The following TRAPPC9 variants were observed in gnomAD, a reference collection of about 807,000 sequenced individuals.
TRAPPC9 encodes the protein trafficking protein particle complex subunit 9, also known as IKK2 binding protein.
In TRAPPC9, 83 loss-of-function variants were observed where a neutral mutation model predicts 124.0. The observed-to-expected ratio is 0.67, with a 90% CI of 0.56 to 0.80. TRAPPC9 has a LOEUF of 0.80. TRAPPC9 is among the 30% of genes least tolerant of loss of function. The pLI is 0.00. For synonymous variants in TRAPPC9, 638 were observed against 617.5 expected (o/e 1.03, Z -0.49); for missense variants, 1,302 against 1,508.3 (o/e 0.86, Z 2.27).
intron 19 of TRAPPC9, among the ~76,000 whole-genome samples, chr8:139,943,596 C>T (rs984511239): frequency 3.3e-5 from 5 of 152,090 alleles, no homozygotes; most frequent in Non-Finnish European, 5.9e-5. Flanking sequence ...AGAATACAGA[C>T]GTTGCAATTA....
At chr8:140,037,671 C>A (rs1338056481) in intron 17 of TRAPPC9, among the ~76,000 whole-genome samples, 1 of 149,992 alleles carries the variant, frequency 6.7e-6, no homozygotes, top group Admixed American at 6.7e-5. Context: ...CACACATACC[C>A]AATACACACA....
intron 21 of TRAPPC9, among the ~76,000 whole-genome samples, chr8:139,812,125 T>C (rs1230592662): frequency 6.6e-6 from 1 of 152,156 alleles, no homozygotes; most frequent in Non-Finnish European, 1.5e-5. Context: ...GGTTTGGTGG[T>C]ATTGAGAGGA....
chr8:139,799,090 C>T (rs1232568289), intron 21 of TRAPPC9, among the ~76,000 whole-genome samples: 1 of 152,130 alleles, frequency 6.6e-6, no homozygotes, highest in Non-Finnish European at 1.5e-5. Context: ...TCTGTGTCCC[C>T]GCTCAAATCT....
At chr8:140,051,055 C>T (rs1841968669) in intron 17 of TRAPPC9, among the ~76,000 whole-genome samples, 3 of 152,204 alleles carry the variant, frequency 2.0e-5, no homozygotes, top group Admixed American at 2.0e-4. Context: ...CCATTCCGTA[C>T]AAGGAATTAA....
At chr8:139,958,322 A>G (rs1343486050) in intron 19 of TRAPPC9, among the ~76,000 whole-genome samples, 1 of 152,160 alleles carries the variant, frequency 6.6e-6, no homozygotes, top group Non-Finnish European at 1.5e-5. Flanking sequence ...TTTAAACCTC[A>G]ATGCCTTTTC....
chr8:140,381,464 G>A (rs982581137), intron 7 of TRAPPC9, among the ~76,000 whole-genome samples: 1 of 151,798 alleles, frequency 6.6e-6, no homozygotes, highest in South Asian at 2.1e-4. Flanking sequence ...TCAGGAGATC[G>A]AGTCCATCTT....
Position 140,342,863 on chromosome 8 carries a change from C to T in TRAPPC9, c.1495+17187G>A, listed in dbSNP as rs2067233949. On this transcript the variant is annotated intron_variant, in intron 9 of 22. Transcript: ENST00000438773. Reference sequence around the variant, plus strand: ...GCTCTTTATGCTCTGCTATATGAAGCTAAGGGACAAAAACTCAAATGTGAA... The same window carrying T: ...GCTCTTTATGCTCTGCTATATGAAGTTAAGGGACAAAAACTCAAATGTGAA... Among the ~76,000 whole-genome samples, 5 of 152,196 alleles carry T rather than the reference C, an allele frequency of 3.3e-5. No individual in the cohort carries two copies. In the South Asian group the frequency reaches 1.0e-3, roughly 32 times the overall value.
At chr8:139,795,742 T>C (rs1823011832) in intron 21 of TRAPPC9, among the ~76,000 whole-genome samples, 2 of 152,070 alleles carry the variant, frequency 1.3e-5, no homozygotes, top group Non-Finnish European at 1.5e-5. Context: ...CATGATGCTC[T>C]CCTGGGCCAG....
At chr8:139,971,404 C>T (rs1425241127) in intron 19 of TRAPPC9, among the ~76,000 whole-genome samples, 2 of 152,164 alleles carry the variant, frequency 1.3e-5, no homozygotes, top group Non-Finnish European at 2.9e-5. Context: ...CAATCCCCAC[C>T]CAGCTGCCCT....
At chr8:139,930,055 G>A (rs1230692492) in intron 19 of TRAPPC9, among the ~76,000 whole-genome samples, 1 of 152,226 alleles carries the variant, frequency 6.6e-6, no homozygotes, top group Non-Finnish European at 1.5e-5. Context: ...TTATGAACAG[G>A]TAATTTAAAG....
chr8:140,089,861 C>T (rs771033815), intron 17 of TRAPPC9, among the ~76,000 whole-genome samples: 1 of 152,166 alleles, frequency 6.6e-6, no homozygotes, highest in Non-Finnish European at 1.5e-5. Context: ...GGGCATATCA[C>T]GAGGTGAGGA....
At chr8:139,957,819 G>C (rs900377760) in intron 19 of TRAPPC9, among the ~76,000 whole-genome samples, 1 of 152,202 alleles carries the variant, frequency 6.6e-6, no homozygotes, top group Non-Finnish European at 1.5e-5. Flanking sequence ...AGAATAAGGG[G>C]AGCCCATCAC....
intron 9 of TRAPPC9, among the ~76,000 whole-genome samples, chr8:140,359,419 G>A (rs971480373): frequency 3.9e-5 from 6 of 152,190 alleles, no homozygotes; most frequent in Non-Finnish European, 7.3e-5. Flanking sequence ...TAGCACCCAG[G>A]AGCAGTGTAA....
chr8:140,058,046 G>A (rs1842391987), intron 17 of TRAPPC9, among the ~76,000 whole-genome samples: 1 of 152,226 alleles, frequency 6.6e-6, no homozygotes, highest in Admixed American at 6.5e-5. Flanking sequence ...GCATACAGAA[G>A]TGCTCGCGAA....
chr8:140,179,567 C>G (rs1468986248), intron 17 of TRAPPC9, among the ~76,000 whole-genome samples: 1 of 152,042 alleles, frequency 6.6e-6, no homozygotes, highest in Non-Finnish European at 1.5e-5. Context: ...GTTAAGCAAT[C>G]TAGAAATGTG....
chr8:140,262,099 C>A (rs1270118741), intron 15 of TRAPPC9, among the ~76,000 whole-genome samples: 3 of 152,154 alleles, frequency 2.0e-5, no homozygotes, highest in African/African-American at 7.2e-5. Flanking sequence ...TCAGGCCATG[C>A]AGAAGTGGGT....
chr8:140,079,996 A>G lies in TRAPPC9; in HGVS notation c.2557-55917T>C, dbSNP rs557963217. 2.0e-5 allele frequency among the ~76,000 whole-genome samples: 3 copies of G among 152,272 alleles called. No homozygotes were observed. The South Asian group carries it at 6.2e-4, about 32-fold the overall frequency. Reference sequence around the variant, plus strand: ...GGAGGAGGAGGAGGAGGGGAAGAAGAAGGCGATGGCATCACTTTCCCCTGG... The same window carrying G: ...GGAGGAGGAGGAGGAGGGGAAGAAGGAGGCGATGGCATCACTTTCCCCTGG... On this transcript the variant is annotated intron_variant, in intron 17 of 22. Coordinates refer to ENST00000438773, the MANE Select transcript of TRAPPC9 (RefSeq NM_001160372.4).
intron 15 of TRAPPC9, among the ~76,000 whole-genome samples, chr8:140,271,632 T>C (rs1326872936): frequency 1.3e-5 from 2 of 152,076 alleles, no homozygotes; most frequent in African/African-American, 2.4e-5. Context: ...GGCCAGAACA[T>C]TGGAAAAGTG....
At chr8:140,033,685 T>TTTTTTTTTTTTTTTTTTTG (rs1840687348) in intron 17 of TRAPPC9, among the ~76,000 whole-genome samples, 4 of 117,350 alleles carry the variant, frequency 3.4e-5, no homozygotes, top group East Asian at 2.4e-4. Context: ...TTTTTTTTTT[T>TTTTTTTTTTTTTTTTTTTG]TTTTTTTTTT....
Sources: allele counts gnomAD v4.1 joint callset (sites outside exome capture counted in the v4.1 genomes callset), GRCh38; gene constraint gnomAD v4.1.1; transcripts MANE v1.5; gene names NCBI Gene and HGNC (gene_info 2026-07-23, HGNC 2026-07-21).